PIEZO2: variants seen among roughly 807,000 people sequenced by gnomAD.
The protein encoded by PIEZO2 is piezo type mechanosensitive ion channel component 2.
A neutral mutation model predicts 337.3 loss-of-function variants in PIEZO2; 172 were observed. The ratio of observed to expected loss-of-function variants is 0.51; its 90% CI spans 0.45 to 0.58. The LOEUF is 0.58. PIEZO2 is among the 20% of genes least tolerant of loss of function. PIEZO2 has a pLI of 0.00. For synonymous variants in PIEZO2, 1,251 were observed against 1,228.5 expected, an observed-to-expected ratio of 1.02 and a Z score of -0.38; for missense variants, 3,028 against 3,391.3, an observed-to-expected ratio of 0.89 and a Z score of 2.66.
chr18:10,977,623 C>A (rs2034493268), intron 3 of PIEZO2, among the ~76,000 whole-genome samples: 1 of 151,996 alleles, frequency 6.6e-6, no homozygotes, highest in Non-Finnish European at 1.5e-5. Flanking sequence ...ATAACATAAC[C>A]AAAGTACCCT....
intron 2 of PIEZO2, among the ~76,000 whole-genome samples, chr18:11,017,122 CA>C (rs148073196): frequency 0.024 from 3,667 of 152,230 alleles, 145 homozygotes; most frequent in African/African-American, 0.081. Context: ...TGAGATTTTT[CA>C]AAGAACATAA....
chr18:11,101,249 C>T lies in PIEZO2; in HGVS notation c.65-35027G>A, dbSNP rs1053234267. ...CCCTAATCCTCAAGAACACTCCTTC[C>T]GACTTCCAAACTTCCTCTGGAGTTC... On this transcript the variant is annotated intron_variant, in intron 1 of 55. Coordinates refer to ENST00000674853, the MANE Select transcript of PIEZO2 (RefSeq NM_001378183.1). This position sits in a 1 kb window ranked among gnomAD's most constrained non-coding sequence, Gnocchi z 4.4. Among the ~76,000 whole-genome samples, 13 of 152,346 alleles carry T rather than the reference C, an allele frequency of 8.5e-5. No homozygotes were observed. In the East Asian group the frequency reaches 1.2e-3, roughly 14 times the overall value.
intron 40 of PIEZO2, among the ~76,000 whole-genome samples, chr18:10,706,540 A>G: frequency 6.6e-6 from 1 of 152,020 alleles, no homozygotes; most frequent in East Asian, 1.9e-4. Context: ...AACTTTACTT[A>G]CTTTCTTCTA....
chr18:10,688,459 C>T (rs1158831154), intron 49 of PIEZO2, among the ~76,000 whole-genome samples: 3 of 152,118 alleles, frequency 2.0e-5, no homozygotes, highest in African/African-American at 2.4e-5. Flanking sequence ...ATATATCTGT[C>T]GAATGAGTGA....
intron 3 of PIEZO2, among the ~76,000 whole-genome samples, chr18:10,960,066 C>G (rs1243661167): frequency 1.3e-5 from 2 of 152,004 alleles, no homozygotes; most frequent in Non-Finnish European, 2.9e-5. Context: ...GTAAATCGTG[C>G]TTTTATCAGC....
At position 11,027,911 on chromosome 18, in the gene PIEZO2, A is replaced by T. The variant is rs1467929576; in HGVS notation, c.160+38216T>A. On this transcript the variant is annotated intron_variant, in intron 2 of 55. Coordinates refer to ENST00000674853, the MANE Select transcript of PIEZO2 (RefSeq NM_001378183.1). The surrounding 1 kb of genome is among the most constrained non-coding windows in gnomAD (Gnocchi z 4.2). ...GCTTAAAGAAACAATTGTTAAATAT[A>T]CTAGAAGAGCCTTCGTAGAGTACTC... Among the ~76,000 whole-genome samples the T allele has an allele frequency of 2.0e-5, 3 of 152,250 alleles. No individual in the cohort carries two copies. The highest frequency in any genetic ancestry group is 2.0e-4 in the Admixed American group (3 of 15,290).
At chr18:10,958,138 G>T (rs2033620141) in intron 3 of PIEZO2, among the ~76,000 whole-genome samples, 1 of 152,110 alleles carries the variant, frequency 6.6e-6, no homozygotes, top group Non-Finnish European at 1.5e-5. Flanking sequence ...TTCATCAACA[G>T]ATGAATAAAT....
chr18:10,922,279 A>G (rs1568202177), intron 3 of PIEZO2, among the ~76,000 whole-genome samples: 1 of 151,932 alleles, frequency 6.6e-6, no homozygotes. Context: ...CTGTCCCTTT[A>G]TTTCTCAAAC....
intron 52 of PIEZO2, among the ~76,000 whole-genome samples, chr18:10,678,595 A>C (rs2034119567): frequency 6.6e-6 from 1 of 152,218 alleles, no homozygotes; most frequent in Non-Finnish European, 1.5e-5. Flanking sequence ...TTAGGGTTCT[A>C]AGTCTCAAAA....
intron 5 of PIEZO2, among the ~76,000 whole-genome samples, chr18:10,865,526 C>T (rs1417633061): frequency 6.6e-6 from 1 of 152,098 alleles, no homozygotes; most frequent in African/African-American, 2.4e-5. Context: ...CCCAAGAAAT[C>T]CATGTCACAT....
chr18:10,675,738 C>T (rs1006590646), intron 53 of PIEZO2, among the ~76,000 whole-genome samples: 1 of 152,100 alleles, frequency 6.6e-6, no homozygotes, highest in Non-Finnish European at 1.5e-5. Flanking sequence ...TTGTAGCTCC[C>T]GTAATCCCCA....
rs1325319290 is a variant in PIEZO2, at chr18:11,126,675, C to T, written c.64+21850G>A. 6.6e-6 allele frequency among the ~76,000 whole-genome samples: 1 copy of T among 151,720 alleles called. No homozygotes were observed. Among genetic ancestry groups the T allele is most frequent in the Non-Finnish European group, 1.5e-5 (1 of 67,966 alleles). ...CCCAGAATCGAGCCATCCTGATAGG[C>T]CAGTAAATGTTTATTGAATGAATCA... On this transcript the variant is annotated intron_variant, in intron 1 of 55. Transcript: ENST00000674853. The surrounding 1 kb of genome is among the most constrained non-coding windows in gnomAD (Gnocchi z 4.6).
chr18:10,765,527 C>T (rs114418742), intron 21 of PIEZO2, among the ~76,000 whole-genome samples: 2,532 of 152,094 alleles, frequency 0.017, 67 homozygotes, highest in African/African-American at 0.057. Context: ...TTGTGGAATA[C>T]GTATTGCAAG....
At chr18:10,906,475 T>A (rs928585437) in intron 4 of PIEZO2, among the ~76,000 whole-genome samples, 1 of 152,232 alleles carries the variant, frequency 6.6e-6, no homozygotes, top group African/African-American at 2.4e-5. Flanking sequence ...CTTGGTGATA[T>A]ATTTTTCCCA....
At chr18:11,093,363 GAAAC>G (rs2146053138) in intron 1 of PIEZO2, among the ~76,000 whole-genome samples, 1 of 151,706 alleles carries the variant, frequency 6.6e-6, no homozygotes, top group East Asian at 1.9e-4. Context: ...TACAATTTAA[GAAAC>G]AAACAATAAC....
chr18:11,137,643 G>A (rs2040527151), intron 1 of PIEZO2, among the ~76,000 whole-genome samples: 2 of 152,188 alleles, frequency 1.3e-5, no homozygotes, highest in African/African-American at 4.8e-5. Flanking sequence ...GCCAAAGGCA[G>A]TGCTGCCCGG....
chr18:11,015,952 A>G lies in PIEZO2; in HGVS notation c.161-36292T>C, dbSNP rs966496158. Among the ~76,000 whole-genome samples, 35 of 152,198 alleles carry G rather than the reference A, an allele frequency of 2.3e-4. 1 individual carries two copies. Among genetic ancestry groups the G allele is most frequent in the Non-Finnish European group, 7.3e-5 (5 of 68,032 alleles). Reference sequence around the variant, plus strand: ...GTTTTTGTAAGGCTTCTTTGTTTCAATCACAATTTGCAAATCAACTGCACG... The same window carrying G: ...GTTTTTGTAAGGCTTCTTTGTTTCAGTCACAATTTGCAAATCAACTGCACG... On this transcript the variant is annotated intron_variant, in intron 2 of 55. Transcript: ENST00000674853.
In PIEZO2 at chr18:10,794,635, A is replaced by G; in HGVS notation, c.1758+137T>C. 4.2e-6 allele frequency: 3 copies of G among 708,752 alleles called. No homozygotes were observed. The highest frequency in any genetic ancestry group is 6.8e-6 in the Non-Finnish European group (3 of 440,108). The allele number at this position is 708,752 out of a possible 1,614,324, so 43.9% of individuals were successfully genotyped here. A position where few individuals can be genotyped will look rare whatever the true frequency, so the allele number is the denominator to read the frequency against. ...CTCTAAGCACCGCAAACTGTTTCTTACAGTCTCATGTTTGTTCATTTTTAC... is the reference window on the plus strand; with the variant it reads ...CTCTAAGCACCGCAAACTGTTTCTTGCAGTCTCATGTTTGTTCATTTTTAC... On this transcript the variant is annotated intron_variant, in intron 13 of 55. Transcript: ENST00000674853. This position sits in a 1 kb window ranked among gnomAD's most constrained non-coding sequence, Gnocchi z 6.6.
chr18:10,867,272 A>G (rs551770639), intron 5 of PIEZO2, among the ~76,000 whole-genome samples: 1 of 152,316 alleles, frequency 6.6e-6, no homozygotes, highest in South Asian at 2.1e-4. Context: ...CAACAAAATG[A>G]TTGATTTCTC....
Sources: gnomAD v4.1 joint callset for allele counts (sites outside exome capture counted in the v4.1 genomes callset) on GRCh38, gnomAD v4.1.1 for gene constraint, Gnocchi (gnomAD v3.1) non-coding constraint, MANE v1.5 for transcripts, NCBI Gene and HGNC (gene_info 2026-07-23, HGNC 2026-07-21) for gene names.